The following KCNT2 variants were observed in gnomAD, a reference collection of about 807,000 sequenced individuals.
KCNT2 encodes potassium channel subfamily T member 2.
KCNT2 carries 67 observed loss-of-function variants against 153.8 expected under a neutral mutation model. The observed-to-expected ratio is 0.44, with a 90% CI of 0.36 to 0.53. The LOEUF (loss-of-function observed/expected upper bound fraction) is 0.53, where lower values mean the gene tolerates loss of function less well. Among genes scored for constraint, KCNT2 ranks in the 20% least tolerant of loss-of-function variants. The pLI is 0.00. For synonymous variants in KCNT2, 500 were observed against 458.8 expected (o/e 1.09, Z -1.15); for missense variants, 975 against 1,354.8 (o/e 0.72, Z 4.40).
At chr1:196,402,240 A>C (rs1671475250) in intron 12 of KCNT2, among the ~76,000 whole-genome samples, 1 of 151,612 alleles carries the variant, frequency 6.6e-6, no homozygotes, top group Admixed American at 6.6e-5. Context: ...CAGAAATAAA[A>C]CAAGAGTAAC....
chr1:196,562,882 GCTAAACTCTACCAT>G (rs1363498043), intron 1 of KCNT2, among the ~76,000 whole-genome samples: 1 of 151,802 alleles, frequency 6.6e-6, no homozygotes, highest in East Asian at 1.9e-4. Context: ...TTTCAATTTA[GCTAAACTCTACCAT>G]CTAAATATAG....
intron 22 of KCNT2, among the ~76,000 whole-genome samples, chr1:196,299,108 C>T (rs1042181114): frequency 2.6e-5 from 4 of 151,850 alleles, no homozygotes; most frequent in Non-Finnish European, 5.9e-5. Flanking sequence ...TGAAATACAT[C>T]AAAGCAAGAG....
At position 196,540,044 on chromosome 1, in the gene KCNT2, C is replaced by T. The variant is rs144481092; in HGVS notation, c.96-47703G>A. ...AAGAATTATAAAGTGAATTAAAATGCGTTGCCTTAGTTGAATTCCATTTTT... is the reference window on the plus strand; with the variant it reads ...AAGAATTATAAAGTGAATTAAAATGTGTTGCCTTAGTTGAATTCCATTTTT... On this transcript the variant is annotated intron_variant, in intron 1 of 27. Coordinates refer to ENST00000294725, the MANE Select transcript of KCNT2 (RefSeq NM_198503.5). Among the ~76,000 whole-genome samples, 140 of 152,068 alleles carry T rather than the reference C, an allele frequency of 9.2e-4. 1 individual carries two copies. Among genetic ancestry groups the T allele is most frequent in the African/African-American group, 2.0e-3 (82 of 41,510 alleles).
chr1:196,371,370 G>A (rs1267299068), intron 14 of KCNT2, among the ~76,000 whole-genome samples: 2 of 151,892 alleles, frequency 1.3e-5, no homozygotes, highest in Non-Finnish European at 2.9e-5. Flanking sequence ...GAAAATGTAG[G>A]GTGATGCTAA....
intron 1 of KCNT2, among the ~76,000 whole-genome samples, chr1:196,509,800 A>G (rs1228737566): frequency 2.0e-5 from 3 of 152,226 alleles, no homozygotes; most frequent in Non-Finnish European, 4.4e-5. Flanking sequence ...CAATGATGAG[A>G]GTGTGCCACA....
At chr1:196,460,204 T>C (rs373782837) in intron 8 of KCNT2, among the ~76,000 whole-genome samples, 1 of 151,580 alleles carries the variant, frequency 6.6e-6, no homozygotes, top group African/African-American at 2.4e-5. Context: ...TATCCAAGGG[T>C]ATTTTTTTAA....
chr1:196,589,246 A>C (rs190561890), intron 1 of KCNT2, among the ~76,000 whole-genome samples: 6 of 109,866 alleles, frequency 5.5e-5, no homozygotes, highest in Admixed American at 2.5e-4. Context: ...CCTTAAAGTC[A>C]CTATATATAT....
chr1:196,416,780 C>T (rs554676488), intron 12 of KCNT2, among the ~76,000 whole-genome samples: 15 of 151,926 alleles, frequency 9.9e-5, no homozygotes, highest in Non-Finnish European at 1.3e-4. Context: ...ACACATAATC[C>T]AATTATACTC....
At chr1:196,592,092 G>A (rs1028991990) in intron 1 of KCNT2, among the ~76,000 whole-genome samples, 1 of 152,034 alleles carries the variant, frequency 6.6e-6, no homozygotes, top group South Asian at 2.1e-4. Flanking sequence ...TGTTTGTTGC[G>A]GCACAAGATT....
intron 14 of KCNT2, among the ~76,000 whole-genome samples, chr1:196,369,362 A>T (rs893272317): frequency 6.6e-6 from 1 of 151,954 alleles, no homozygotes; most frequent in East Asian, 1.9e-4. Context: ...TTTAGGGTAC[A>T]TGTGCACATT....
intron 22 of KCNT2, among the ~76,000 whole-genome samples, chr1:196,291,053 A>G (rs1201398796): frequency 2.0e-5 from 3 of 152,130 alleles, no homozygotes; most frequent in Admixed American, 6.5e-5. Context: ...ACTATTAGTA[A>G]GTCAGATGAT....
At chr1:196,493,299 TCATG>T (rs1679996359) in intron 1 of KCNT2, among the ~76,000 whole-genome samples, 1 of 149,846 alleles carries the variant, frequency 6.7e-6, no homozygotes, top group Non-Finnish European at 1.5e-5. Flanking sequence ...AAAATGTAAT[TCATG>T]TAAGCCAGAT....
intron 14 of KCNT2, among the ~76,000 whole-genome samples, chr1:196,369,531 T>G (rs975292319): frequency 6.0e-5 from 9 of 150,238 alleles, no homozygotes; most frequent in African/African-American, 2.2e-4. Flanking sequence ...TGTGTCCATG[T>G]GATCTCATTG....
intron 12 of KCNT2, among the ~76,000 whole-genome samples, chr1:196,418,747 C>T (rs1672953119): frequency 6.6e-6 from 1 of 152,080 alleles, no homozygotes; most frequent in Non-Finnish European, 1.5e-5. Flanking sequence ...ACTTAATTAC[C>T]TATTTAAAAG....
intron 5 of KCNT2, among the ~76,000 whole-genome samples, chr1:196,478,155 A>G (rs1678699969): frequency 6.6e-6 from 1 of 152,178 alleles, no homozygotes; most frequent in African/African-American, 2.4e-5. Flanking sequence ...GCCTATCTCA[A>G]CCCATCAGTT....
chr1:196,308,280 T>C (rs1661829393), intron 21 of KCNT2, among the ~76,000 whole-genome samples: 2 of 151,992 alleles, frequency 1.3e-5, no homozygotes, highest in African/African-American at 4.8e-5. Context: ...AACCCTCTTG[T>C]GTTTCCATCT....
chr1:196,252,880 A>AT (rs1200586500), intron 26 of KCNT2, among the ~76,000 whole-genome samples: 1 of 150,954 alleles, frequency 6.6e-6, no homozygotes, highest in Non-Finnish European at 1.5e-5. Context: ...ATGCCTTTCT[A>AT]TTTTTTTGTT....
chr1:196,528,439 C>T (rs947524080), intron 1 of KCNT2, among the ~76,000 whole-genome samples: 10 of 152,122 alleles, frequency 6.6e-5, no homozygotes, highest in African/African-American at 2.4e-4. Context: ...CCTCACTTCT[C>T]TTAGAATTGT....
At chr1:196,505,050 T>C (rs193150871) in intron 1 of KCNT2, among the ~76,000 whole-genome samples, 2,142 of 148,474 alleles carry the variant, frequency 0.014, 52 homozygotes, top group African/African-American at 0.053. Context: ...TTCACTCTGA[T>C]GGTAGTTTCT....
Sources: gnomAD v4.1 joint callset for allele counts (sites outside exome capture counted in the v4.1 genomes callset) on GRCh38, gnomAD v4.1.1 for gene constraint, MANE v1.5 for transcripts, NCBI Gene and HGNC (gene_info 2026-07-23, HGNC 2026-07-21) for gene names.